The following ITPR1 variants were observed in gnomAD, a reference collection of about 807,000 sequenced individuals.
The protein encoded by ITPR1 is inositol 1,4,5-trisphosphate receptor type 1.
Under a neutral mutation model 318.4 loss-of-function variants are expected in ITPR1, and 96 were observed. That is an observed-to-expected ratio of 0.30 (90% confidence interval 0.26 to 0.36). ITPR1 has a LOEUF of 0.36. Among genes scored for constraint, ITPR1 ranks in the 10% least tolerant of loss-of-function variants. ITPR1 has a pLI of 1.00. For synonymous variants in ITPR1, 1,312 were observed against 1,289.9 expected (o/e 1.02, Z -0.37); for missense variants, 2,440 against 3,460.2 (o/e 0.71, Z 7.40).
chr3:4,814,995 T>C, intron 58 of ITPR1, 58 bp from the exon 59 acceptor site: 3 of 1,431,840 alleles, frequency 2.1e-6, no homozygotes, highest in Middle Eastern at 1.8e-4. Flanking sequence ...TGCCCCAGGC[T>C]CCGCAGACCA....
intron 37 of ITPR1, 85 bp downstream of exon 37, chr3:4,706,436 C>T (rs1294930227): frequency 3.2e-6 from 4 of 1,244,398 alleles, no homozygotes; most frequent in Non-Finnish European, 3.3e-6. Context: ...AGCCACAGAG[C>T]ATCTAAGCTG....
intron 4 of ITPR1, among the ~76,000 whole-genome samples, chr3:4,539,185 C>G (rs140183683): frequency 1.3e-5 from 2 of 152,044 alleles, no homozygotes; most frequent in Non-Finnish European, 2.9e-5. Context: ...TTTATACCTA[C>G]GAGTTATTTA....
intron 10 of ITPR1, among the ~76,000 whole-genome samples, chr3:4,647,483 G>T (rs576524901): frequency 6.6e-6 from 1 of 152,278 alleles, no homozygotes; most frequent in South Asian, 2.1e-4. Context: ...GTATGGTATG[G>T]CATGGTATAT....
At chr3:4,508,335 A>G (rs1464811528) in intron 2 of ITPR1, among the ~76,000 whole-genome samples, 1 of 151,966 alleles carries the variant, frequency 6.6e-6, no homozygotes, top group Admixed American at 6.6e-5. Context: ...AAGCCTGTCC[A>G]CCCTTGAAGA....
intron 34 of ITPR1, among the ~76,000 whole-genome samples, 197 bp downstream of exon 34, chr3:4,697,469 T>TTTTTTTTTTTTTTTTTTTTTG (rs1559719610): frequency 6.7e-6 from 1 of 148,998 alleles, no homozygotes. Context: ...TTTTTTTTTT[T>TTTTTTTTTTTTTTTTTTTTTG]GAGCTGGAGT....
chr3:4,767,882 T>C (rs762387158), intron 45 of ITPR1, among the ~76,000 whole-genome samples: 29 of 152,136 alleles, frequency 1.9e-4, no homozygotes, highest in Non-Finnish European at 1.9e-4. Context: ...ACAATTGAGG[T>C]ACCTCCATTT....
chr3:4,627,921 G>C (rs780777144), intron 5 of ITPR1, 43 bp downstream of exon 5: 2 of 1,224,630 alleles, frequency 1.6e-6, no homozygotes, highest in Admixed American at 1.9e-5. Flanking sequence ...GTAGTGAGTG[G>C]CTGCCTTGGT....
intron 49 of ITPR1, 66 bp from the exon 50 acceptor site, chr3:4,782,553 T>A: frequency 6.7e-7 from 1 of 1,493,394 alleles, no homozygotes; most frequent in Non-Finnish European, 9.0e-7. Context: ...GTGTGCATGC[T>A]GTCCATCCAG....
intron 42 of ITPR1, among the ~76,000 whole-genome samples, chr3:4,732,284 TAA>T (rs1203471570): frequency 3.3e-5 from 5 of 152,168 alleles, no homozygotes; most frequent in Admixed American, 2.0e-4. Flanking sequence ...TTTATATTTT[TAA>T]AAAATTTTAT....
intron 33 of ITPR1, among the ~76,000 whole-genome samples, chr3:4,695,798 G>A (rs997223161): frequency 1.2e-4 from 18 of 152,146 alleles, no homozygotes; most frequent in African/African-American, 3.9e-4. Flanking sequence ...CACCATGATA[G>A]GTTTTTCATT....
intron 40 of ITPR1, chr3:4,724,496 C>G (rs926563152): frequency 1.3e-5 from 2 of 152,252 alleles, no homozygotes; most frequent in Admixed American, 6.5e-5. Flanking sequence ...TGCTGGAGCC[C>G]TGTTAGAGGC....
At chr3:4,722,113 A>C (rs538383307) in intron 40 of ITPR1, among the ~76,000 whole-genome samples, 42 of 152,222 alleles carry the variant, frequency 2.8e-4, no homozygotes, top group Non-Finnish European at 5.1e-4. Context: ...CTTAAGATTC[A>C]GTGACTTGAG....
chr3:4,697,069 T>G, intron 33 of ITPR1, 78 bp from the exon 34 acceptor site: 1 of 1,354,750 alleles, frequency 7.4e-7, no homozygotes, highest in South Asian at 1.3e-5. Context: ...CATCGGTCCT[T>G]GCTGTGAAGT....
intron 4 of ITPR1, among the ~76,000 whole-genome samples, chr3:4,541,632 C>CTT (rs34489800): frequency 2.7e-5 from 4 of 145,994 alleles, no homozygotes; most frequent in Admixed American, 6.9e-5. Flanking sequence ...TCAAATACCA[C>CTT]TTTTTTTTTT....
chr3:4,835,367 C>T (rs1264821730), intron 60 of ITPR1, among the ~76,000 whole-genome samples: 2 of 152,148 alleles, frequency 1.3e-5, no homozygotes, highest in Non-Finnish European at 2.9e-5. Context: ...CAGCCTGCTG[C>T]CCGCATTTGT....
intron 5 of ITPR1, among the ~76,000 whole-genome samples, chr3:4,632,146 G>C (rs1215644581): frequency 1.3e-5 from 2 of 152,166 alleles, no homozygotes; most frequent in African/African-American, 4.8e-5. Flanking sequence ...GTCTGTGCTG[G>C]GAACATGGGA....
intron 4 of ITPR1, among the ~76,000 whole-genome samples, chr3:4,558,035 T>C (rs932956349): frequency 3.3e-5 from 5 of 152,226 alleles, no homozygotes; most frequent in African/African-American, 9.6e-5. Context: ...AGAATAAGTT[T>C]AGTAAAGTGT....
intron 8 of ITPR1, among the ~76,000 whole-genome samples, chr3:4,644,744 C>T (rs1026126170): frequency 1.3e-5 from 2 of 152,194 alleles, no homozygotes; most frequent in Non-Finnish European, 2.9e-5. Context: ...TGGGTAAAGA[C>T]ATAAACTCTT....
intron 4 of ITPR1, among the ~76,000 whole-genome samples, chr3:4,587,701 G>T (rs1309619079): frequency 6.6e-6 from 1 of 152,176 alleles, no homozygotes; most frequent in African/African-American, 2.4e-5. Context: ...CCTACTGGAG[G>T]TAATTGCCCA....
Sources: allele counts gnomAD v4.1 joint callset (sites outside exome capture counted in the v4.1 genomes callset), GRCh38; gene constraint gnomAD v4.1.1; transcripts MANE v1.5; gene names NCBI Gene and HGNC (gene_info 2026-07-23, HGNC 2026-07-21).